IRGM: variants seen among roughly 807,000 people sequenced by gnomAD.
IRGM encodes immunity related GTPase M.
For missense variants in IRGM, 288 were observed against 219.9 expected (o/e 1.31, Z -1.96); for synonymous variants, 98 against 80.6 (o/e 1.22, Z -1.16).
intron 1 of IRGM, among the ~76,000 whole-genome samples, chr5:150,857,706 T>TG (rs1754078004): frequency 6.6e-6 from 1 of 152,218 alleles, no homozygotes; most frequent in South Asian, 2.1e-4. Flanking sequence ...TTCATGTGTG[T>TG]TTTGGCTGCA....
chr5:150,897,119 A>C, intron 3 of IRGM: 1 of 594,042 alleles, frequency 1.7e-6, no homozygotes, highest in Non-Finnish European at 2.9e-6. Flanking sequence ...AGTACAGCAT[A>C]TAGTGTTATC....
At position 150,862,140 on chromosome 5, in the gene IRGM, T is replaced by C. The variant is rs549025302; in HGVS notation, c.158+13486T>C. Among the ~76,000 whole-genome samples, 24 of 152,346 alleles carry C rather than the reference T, an allele frequency of 1.6e-4. No individual in the cohort carries two copies. In the South Asian group the frequency reaches 3.9e-3, roughly 25 times the overall value. ...GGCAGAATTCATTTTTTCAAGAGTT[T>C]TTTCCTTGTTGGTTGTGAGTTGAAG... On this transcript the variant is annotated intron_variant and NMD_transcript_variant, in intron 1 of 3. Transcript: ENST00000520549.
At chr5:150,893,500 A>T (rs1342967139) in intron 3 of IRGM, among the ~76,000 whole-genome samples, 1 of 152,156 alleles carries the variant, frequency 6.6e-6, no homozygotes, top group Non-Finnish European at 1.5e-5. Context: ...ACTGTGAAAA[A>T]CTGATGTAAT....
At chr5:150,884,078 T>C (rs1487285598) in intron 3 of IRGM, among the ~76,000 whole-genome samples, 1 of 151,992 alleles carries the variant, frequency 6.6e-6, no homozygotes, top group Non-Finnish European at 1.5e-5. Context: ...ACAAAGATGG[T>C]TCAATATTCA....
intron 3 of IRGM, among the ~76,000 whole-genome samples, chr5:150,885,321 T>A (rs757991647): frequency 6.6e-6 from 1 of 150,430 alleles, no homozygotes; most frequent in South Asian, 2.1e-4. Flanking sequence ...ACTGCAGCAC[T>A]GTAGTATAGT....
intron 3 of IRGM, among the ~76,000 whole-genome samples, chr5:150,889,134 T>G (rs1754569146): frequency 6.6e-6 from 1 of 152,088 alleles, no homozygotes; most frequent in Admixed American, 6.6e-5. Flanking sequence ...TAGTATTTTT[T>G]TTCAAGATTT....
chr5:150,850,729 AT>A (rs1411976390), downstream of IRGM, among the ~76,000 whole-genome samples: 3 of 152,004 alleles, frequency 2.0e-5, no homozygotes, highest in African/African-American at 7.3e-5. Context: ...TGATTTTTAA[AT>A]TTTTTTGTAG....
At chr5:150,855,176 T>C (rs1581640568) in intron 1 of IRGM, among the ~76,000 whole-genome samples, 1 of 152,196 alleles carries the variant, frequency 6.6e-6, no homozygotes, top group African/African-American at 2.4e-5. Flanking sequence ...AGTTACACTT[T>C]TCAAAATTCT....
intron 3 of IRGM, chr5:150,897,083 G>T: frequency 1.2e-6 from 1 of 822,436 alleles, no homozygotes; most frequent in South Asian, 1.8e-5. Flanking sequence ...ACAAAAAAAG[G>T]ATGGAAACAG....
At chr5:150,863,574 A>G (rs1209435004) in intron 1 of IRGM, among the ~76,000 whole-genome samples, 3 of 152,240 alleles carry the variant, frequency 2.0e-5, no homozygotes, top group Non-Finnish European at 4.4e-5. Context: ...CATCTGTATA[A>G]CTAAGAATTT....
chr5:150,897,317 ATTC>A (rs1464492129), intron 3 of IRGM: 2 of 191,110 alleles, frequency 1.0e-5, no homozygotes, highest in Non-Finnish European at 2.1e-5. Context: ...TGTGCTACAC[ATTC>A]TTATTATCCT....
chr5:150,891,307 T>C (rs1324019864), intron 3 of IRGM, among the ~76,000 whole-genome samples: 1 of 152,122 alleles, frequency 6.6e-6, no homozygotes, highest in East Asian at 1.9e-4. Context: ...TTACTTTGAA[T>C]CCATTTATGT....
downstream of IRGM, among the ~76,000 whole-genome samples, chr5:150,849,159 T>G (rs991090963): frequency 6.6e-6 from 1 of 150,402 alleles, no homozygotes; most frequent in Non-Finnish European, 1.5e-5. Flanking sequence ...TAATAAAGAC[T>G]TCTGGGCTTA....
intron 1 of IRGM, chr5:150,877,966 C>CT: frequency 2.2e-6 from 1 of 455,558 alleles, no homozygotes; most frequent in Non-Finnish European, 4.4e-6. Context: ...CAAAGCAAGC[C>CT]TTGTTTTCCT....
At chr5:150,867,052 A>C (rs1178695983) in intron 1 of IRGM, among the ~76,000 whole-genome samples, 1 of 152,170 alleles carries the variant, frequency 6.6e-6, no homozygotes, top group Admixed American at 6.6e-5. Flanking sequence ...TTTGGGGAAC[A>C]GGTGGTGTTT....
chr5:150,884,060 C>T (rs1423461401), intron 3 of IRGM, among the ~76,000 whole-genome samples: 5 of 151,800 alleles, frequency 3.3e-5, no homozygotes, highest in Non-Finnish European at 7.4e-5. Context: ...GGAGTTTATT[C>T]CAGGAATACA....
chr5:150,864,858 A>G (rs1284066986), intron 1 of IRGM, among the ~76,000 whole-genome samples: 1 of 152,024 alleles, frequency 6.6e-6, no homozygotes, highest in Non-Finnish European at 1.5e-5. Flanking sequence ...GGGACAGGGA[A>G]ACAGAGTCAG....
At chr5:150,873,604 C>T (rs1754321043) in intron 1 of IRGM, among the ~76,000 whole-genome samples, 1 of 152,008 alleles carries the variant, frequency 6.6e-6, no homozygotes, top group South Asian at 2.1e-4. Context: ...TTATGGAGAT[C>T]AGGTAATTAA....
chr5:150,884,828 A>G (rs1308667883), intron 3 of IRGM, among the ~76,000 whole-genome samples: 1 of 152,036 alleles, frequency 6.6e-6, no homozygotes, highest in African/African-American at 2.4e-5. Flanking sequence ...CCTTTGTCAG[A>G]CTCATAGTTT....
Sources: allele counts gnomAD v4.1 joint callset (sites outside exome capture counted in the v4.1 genomes callset), GRCh38; gene constraint gnomAD v4.1.1; transcripts MANE v1.5; gene names NCBI Gene and HGNC (gene_info 2026-07-23, HGNC 2026-07-21).